SLC25A21: variants seen among roughly 807,000 people sequenced by gnomAD.
SLC25A21 encodes mitochondrial 2-oxodicarboxylate carrier.
SLC25A21 carries 47 observed loss-of-function variants against 43.8 expected under a neutral mutation model. That is an observed-to-expected ratio of 1.07 (90% CI 0.85 to 1.37). The LOEUF is 1.37. SLC25A21 is among the 40% of genes most tolerant of loss of function. The pLI is 0.00. For synonymous variants in SLC25A21, 131 were observed against 121.3 expected (o/e 1.08, Z -0.52); for missense variants, 352 against 350.2 (o/e 1.00, Z -0.04).
chr14:37,013,526 A>C (rs1461125588), intron 1 of SLC25A21, among the ~76,000 whole-genome samples: 2 of 152,192 alleles, frequency 1.3e-5, no homozygotes, highest in Non-Finnish European at 2.9e-5. Context: ...GTTTTCAAAA[A>C]TCTCTTAATA....
chr14:37,072,183 A>G (rs1962187611), intron 1 of SLC25A21, among the ~76,000 whole-genome samples: 1 of 151,332 alleles, frequency 6.6e-6, no homozygotes, highest in African/African-American at 2.4e-5. Context: ...CTGTCTCAAA[A>G]AAAAAAAAAA....
At chr14:36,742,953 A>T (rs1021183778) in intron 3 of SLC25A21, among the ~76,000 whole-genome samples, 1 of 152,200 alleles carries the variant, frequency 6.6e-6, no homozygotes, top group African/African-American at 2.4e-5. Flanking sequence ...GTATGATTTT[A>T]CCACAACAAT....
At chr14:36,704,815 C>T (rs2139176677) in intron 7 of SLC25A21, among the ~76,000 whole-genome samples, 1 of 152,234 alleles carries the variant, frequency 6.6e-6, no homozygotes, top group African/African-American at 2.4e-5. Flanking sequence ...TTCAGTAACT[C>T]ATCTCTGGGC....
At chr14:36,786,412 A>G (rs1471545735) in intron 3 of SLC25A21, among the ~76,000 whole-genome samples, 1 of 152,270 alleles carries the variant, frequency 6.6e-6, no homozygotes, top group African/African-American at 2.4e-5. Flanking sequence ...AGAGCTTACT[A>G]AAAACATATT....
At chr14:36,814,350 T>G (rs563729195) in intron 2 of SLC25A21, among the ~76,000 whole-genome samples, 1 of 140,022 alleles carries the variant, frequency 7.1e-6, no homozygotes, top group South Asian at 2.5e-4. Context: ...AAGATGCATA[T>G]GAAAAAAGTC....
chr14:36,776,438 C>G (rs979537833), intron 3 of SLC25A21, among the ~76,000 whole-genome samples: 2 of 151,574 alleles, frequency 1.3e-5, no homozygotes, highest in Non-Finnish European at 2.9e-5. Context: ...CGGGGTTTCA[C>G]CGGGTTAGCC....
At chr14:37,005,302 C>T (rs1016970216) in intron 1 of SLC25A21, among the ~76,000 whole-genome samples, 4 of 144,026 alleles carry the variant, frequency 2.8e-5, no homozygotes, top group African/African-American at 5.0e-5. Flanking sequence ...GACATGCATC[C>T]GCAGGAAGCT....
chr14:36,870,981 G>A (rs116931017), intron 2 of SLC25A21: 1,621 of 152,260 alleles, frequency 0.011, 24 homozygotes, highest in Middle Eastern at 0.031. Context: ...AAGGACACGT[G>A]TGGTCAGAGC....
In SLC25A21 at chr14:36,711,588, T is replaced by C. The variant is rs114168947; in HGVS notation, c.439-106A>G. The C allele has an allele frequency of 1.7e-3, 2,175 of 1,277,294 alleles. 16 individuals carry two copies. The African/African-American group carries it at 0.023, about 14-fold the overall frequency. The allele number at this position is 1,277,294 out of a possible 1,614,324, so 79.1% of individuals were successfully genotyped here. Reference sequence around the variant, plus strand: ...AAGCCAGAATTATTAGGGACTTTTTTCCCCCAGATATGAATAATCATGCCT... The same window carrying C: ...AAGCCAGAATTATTAGGGACTTTTTCCCCCCAGATATGAATAATCATGCCT... On this transcript the variant is annotated intron_variant, in intron 6 of 9. Coordinates refer to ENST00000331299, the MANE Select transcript of SLC25A21 (RefSeq NM_030631.4).
intron 5 of SLC25A21, among the ~76,000 whole-genome samples, chr14:36,729,012 C>T (rs1884711484): frequency 6.6e-6 from 1 of 152,178 alleles, no homozygotes; most frequent in Non-Finnish European, 1.5e-5. Context: ...ATTGTAATAT[C>T]ACAATTCTCC....
chr14:36,924,709 C>T (rs1300841779), intron 1 of SLC25A21, among the ~76,000 whole-genome samples: 1 of 151,936 alleles, frequency 6.6e-6, no homozygotes, highest in African/African-American at 2.4e-5. Flanking sequence ...TAAAAAGATA[C>T]AAGTTAAAAC....
chr14:36,964,012 T>C (rs1351367456), intron 1 of SLC25A21, among the ~76,000 whole-genome samples: 1 of 152,198 alleles, frequency 6.6e-6, no homozygotes, highest in Admixed American at 6.5e-5. Context: ...TTTCCAAGAT[T>C]TCTTATGCAC....
At chr14:37,012,156 C>A (rs1960747554) in intron 1 of SLC25A21, among the ~76,000 whole-genome samples, 1 of 152,120 alleles carries the variant, frequency 6.6e-6, no homozygotes, top group Non-Finnish European at 1.5e-5. Context: ...TTTGGAACCA[C>A]ATATGAGTGA....
intron 3 of SLC25A21, among the ~76,000 whole-genome samples, chr14:36,748,496 A>G (rs914193130): frequency 6.6e-6 from 1 of 152,250 alleles, no homozygotes; most frequent in African/African-American, 2.4e-5. Flanking sequence ...AGACTTCTGC[A>G]TATGCACAGT....
chr14:36,937,946 T>G, intron 1 of SLC25A21, among the ~76,000 whole-genome samples: 1 of 152,174 alleles, frequency 6.6e-6, no homozygotes, highest in Admixed American at 6.6e-5. Flanking sequence ...ATTAAATGTG[T>G]TTCCTTTTTA....
At chr14:37,136,637 A>C (rs1214111371) in intron 1 of SLC25A21, among the ~76,000 whole-genome samples, 1 of 152,222 alleles carries the variant, frequency 6.6e-6, no homozygotes, top group African/African-American at 2.4e-5. Context: ...AATTGTCAAA[A>C]TCTGGAAGCA....
chr14:36,760,869 C>T (rs945988316), intron 3 of SLC25A21, among the ~76,000 whole-genome samples: 6 of 149,482 alleles, frequency 4.0e-5, no homozygotes, highest in African/African-American at 1.5e-4. Flanking sequence ...AAAAGGTGAT[C>T]ACAAGAAAAG....
chr14:36,801,188 C>G (rs1416727523), intron 3 of SLC25A21, among the ~76,000 whole-genome samples: 8 of 152,164 alleles, frequency 5.3e-5, no homozygotes, highest in African/African-American at 1.9e-4. Flanking sequence ...CAAGGGGCTA[C>G]TGAAGTCTCT....
At chr14:36,937,288 T>G (rs746997157) in intron 1 of SLC25A21, among the ~76,000 whole-genome samples, 1 of 152,066 alleles carries the variant, frequency 6.6e-6, no homozygotes, top group Non-Finnish European at 1.5e-5. Flanking sequence ...TGATAAGGAG[T>G]GAACAAGTAC....
Sources: allele counts gnomAD v4.1 joint callset (sites outside exome capture counted in the v4.1 genomes callset), GRCh38; gene constraint gnomAD v4.1.1; transcripts MANE v1.5; gene names NCBI Gene and HGNC (gene_info 2026-07-23, HGNC 2026-07-21).